CDH20: variants seen among roughly 807,000 people sequenced by gnomAD.
CDH20 encodes cadherin-20.
CDH20 carries 29 observed loss-of-function variants against 74.2 expected under a neutral mutation model. The observed-to-expected ratio is 0.39, with a 90% CI of 0.29 to 0.53. The LOEUF is 0.53. Among genes scored for constraint, CDH20 ranks in the 20% least tolerant of loss-of-function variants. CDH20 has a pLI of 0.69. For missense variants in CDH20, 988 were observed against 1,048.3 expected, an observed-to-expected ratio of 0.94 and a Z score of 0.79; for synonymous variants, 469 against 405.4, an observed-to-expected ratio of 1.16 and a Z score of -1.88.
chr18:61,540,342 C>T (rs1568183151), intron 9 of CDH20, among the ~76,000 whole-genome samples: 2 of 152,094 alleles, frequency 1.3e-5, no homozygotes, highest in Admixed American at 6.6e-5. Flanking sequence ...CTAACTTTGC[C>T]TTCATGTATT....
At chr18:61,524,539 A>C (rs1912318788) in intron 6 of CDH20, among the ~76,000 whole-genome samples, 1 of 152,250 alleles carries the variant, frequency 6.6e-6, no homozygotes, top group South Asian at 2.1e-4. Flanking sequence ...AAATTGGAAA[A>C]AAACACAAAT....
chr18:61,465,274 G>T (rs116966578), intron 1 of CDH20, among the ~76,000 whole-genome samples: 3,230 of 152,204 alleles, frequency 0.021, 49 homozygotes, highest in Middle Eastern at 0.034. Context: ...CCAAAAAAAA[G>T]CAAAGAACAG....
At chr18:61,359,060 T>C (rs575609644) in intron 1 of CDH20, among the ~76,000 whole-genome samples, 2 of 152,286 alleles carry the variant, frequency 1.3e-5, no homozygotes, top group South Asian at 4.1e-4. Context: ...CTGAAATAAA[T>C]AATTAAGACA....
chr18:61,404,755 T>TA (rs1226795025), intron 1 of CDH20: 3 of 342,766 alleles, frequency 8.8e-6, no homozygotes, highest in Non-Finnish European at 1.1e-5. Flanking sequence ...CCTTGGCAGT[T>TA]AAAAAAATGG....
At position 61,408,224 on chromosome 18, in the gene CDH20, A is replaced by G. The variant is rs140163012; in HGVS notation, c.-153+74397A>G. Among the ~76,000 whole-genome samples, 552 of 152,298 alleles carry G rather than the reference A, an allele frequency of 3.6e-3. 2 individuals are homozygous for G. The highest frequency in any genetic ancestry group is 0.013 in the African/African-American group (521 of 41,560). The stretch of plus-strand genomic sequence containing the variant: ...GCTAATGAAAAAAAATGCAGGAAAT[A>G]AGAGTTTGAAGATGGTGGCAGCAAT... On this transcript the variant is annotated intron_variant, in intron 1 of 11. Transcript: ENST00000262717.
rs373497503 is a variant in CDH20 at position 61,484,406 on chromosome 18, T to C, written c.-152-5996T>C. Among the ~76,000 whole-genome samples the C allele has an allele frequency of 5.3e-5, 8 of 152,168 alleles. No homozygotes were observed. In the South Asian group the frequency reaches 1.7e-3, roughly 32 times the overall value. ...CCTGACTCCTTGAGGATTAAAACAT[T>C]TACTAGATACTAAGTATGGGTGAAA... On this transcript the variant is annotated intron_variant, in intron 1 of 11. Transcript: ENST00000262717.
intron 1 of CDH20, among the ~76,000 whole-genome samples, chr18:61,428,617 T>C (rs997977569): frequency 6.6e-6 from 1 of 152,212 alleles, no homozygotes; most frequent in Non-Finnish European, 1.5e-5. Context: ...TAGCTTCCAC[T>C]GGTTCTTCCA....
chr18:61,532,436 C>A (rs116446042), intron 7 of CDH20, among the ~76,000 whole-genome samples: 3,185 of 151,886 alleles, frequency 0.021, 109 homozygotes, highest in African/African-American at 0.073. Context: ...AAATAGCCAT[C>A]CTGAATCTCT....
At chr18:61,543,120 G>T (rs1008371234) in intron 9 of CDH20, among the ~76,000 whole-genome samples, 8 of 152,188 alleles carry the variant, frequency 5.3e-5, no homozygotes, top group Non-Finnish European at 1.2e-4. Flanking sequence ...ATTGAAGGGG[G>T]ATCTGAGCAA....
At chr18:61,425,906 T>C (rs144513490) in intron 1 of CDH20, among the ~76,000 whole-genome samples, 30 of 152,344 alleles carry the variant, frequency 2.0e-4, no homozygotes, top group African/African-American at 3.1e-4. Flanking sequence ...ACATGTTCCA[T>C]GTTCGTGGAT....
At chr18:61,335,795 C>A (rs940679496) in intron 1 of CDH20, among the ~76,000 whole-genome samples, 1 of 152,130 alleles carries the variant, frequency 6.6e-6, no homozygotes, top group African/African-American at 2.4e-5. Context: ...TGCTACACTG[C>A]AGGTTAAGGA....
intron 1 of CDH20, among the ~76,000 whole-genome samples, chr18:61,423,442 T>C (rs79449710): frequency 0.037 from 5,683 of 152,272 alleles, 156 homozygotes; most frequent in South Asian, 0.074. Context: ...TCCCATTCAC[T>C]TGTTTGTGAA....
intron 6 of CDH20, among the ~76,000 whole-genome samples, chr18:61,512,484 A>G (rs566279526): frequency 4.6e-5 from 7 of 152,290 alleles, no homozygotes; most frequent in East Asian, 1.9e-4. Context: ...AGTTCTTGCC[A>G]ATTTAAATAA....
At chr18:61,481,844 C>T (rs1199597590) in intron 1 of CDH20, among the ~76,000 whole-genome samples, 1 of 152,142 alleles carries the variant, frequency 6.6e-6, no homozygotes. Context: ...ACCCACCATG[C>T]CTGGCCCAAC....
intron 1 of CDH20, among the ~76,000 whole-genome samples, chr18:61,346,006 G>A (rs557785682): frequency 2.6e-5 from 4 of 152,288 alleles, no homozygotes; most frequent in African/African-American, 9.6e-5. Context: ...GGCTTTCCAA[G>A]TTCCTTGAGC....
At position 61,502,463 on chromosome 18, in the gene CDH20, G is replaced by A. The variant is rs546452456; in HGVS notation, c.662-490G>A. ...TCCAACCCTGCTTACAGGTAGTAGG[G>A]AAGCAAGAAAAAGCAGGAATGAGTT... On this transcript the variant is annotated intron_variant, in intron 4 of 11. Coordinates refer to ENST00000262717, the MANE Select transcript of CDH20 (RefSeq NM_031891.4). Among the ~76,000 whole-genome samples, 4 of 152,230 alleles carry A rather than the reference G, an allele frequency of 2.6e-5. No individual in the cohort carries two copies. In the South Asian group the frequency reaches 8.3e-4, roughly 32 times the overall value.
At chr18:61,376,667 A>G (rs1685628848) in intron 1 of CDH20, among the ~76,000 whole-genome samples, 1 of 152,186 alleles carries the variant, frequency 6.6e-6, no homozygotes, top group African/African-American at 2.4e-5. Flanking sequence ...CTTTGATGGG[A>G]TTATTGATGA....
At chr18:61,404,192 G>A (rs757067420) in intron 1 of CDH20, among the ~76,000 whole-genome samples, 7 of 152,196 alleles carry the variant, frequency 4.6e-5, no homozygotes, top group Non-Finnish European at 7.4e-5. Flanking sequence ...AAACCTGCAC[G>A]TCCTGCACAT....
At chr18:61,461,489 G>A (rs1036762149) in intron 1 of CDH20, among the ~76,000 whole-genome samples, 1 of 152,072 alleles carries the variant, frequency 6.6e-6, no homozygotes, top group Non-Finnish European at 1.5e-5. Context: ...CCCTTGGTGT[G>A]TAGCATCATG....
Sources: gnomAD v4.1 joint callset for allele counts (sites outside exome capture counted in the v4.1 genomes callset) on GRCh38, gnomAD v4.1.1 for gene constraint, MANE v1.5 for transcripts, NCBI Gene and HGNC (gene_info 2026-07-23, HGNC 2026-07-21) for gene names.